BCAS3: variants seen among roughly 807,000 people sequenced by gnomAD.
BCAS3 encodes the protein BCAS4/BCAS3 fusion.
A neutral mutation model predicts 116.1 loss-of-function variants in BCAS3; 53 were observed. That is an observed-to-expected ratio of 0.46 (90% CI 0.37 to 0.57). The LOEUF (loss-of-function observed/expected upper bound fraction) is 0.57. Among genes scored for constraint, BCAS3 ranks in the 20% least tolerant of loss-of-function variants. The probability of loss-of-function intolerance (pLI) is 0.00; values close to 1 mark genes in which losing one functional copy is unlikely to be tolerated. For missense variants in BCAS3, 917 were observed against 1,165.4 expected (o/e 0.79, Z 3.10); for synonymous variants, 391 against 408.2 (o/e 0.96, Z 0.51).
chr17:61,183,148 GT>G (rs1462223290), intron 22 of BCAS3, among the ~76,000 whole-genome samples: 1 of 151,832 alleles, frequency 6.6e-6, no homozygotes, highest in Non-Finnish European at 1.5e-5. Flanking sequence ...AAATTTTTTT[GT>G]TTTTCCTGAA....
chr17:60,948,360 G>A (rs11079404), intron 14 of BCAS3, among the ~76,000 whole-genome samples: 33,524 of 151,892 alleles, frequency 0.22, 4,038 homozygotes, highest in African/African-American at 0.32. Context: ...TCCTGGCCTC[G>A]TGATCCACCC....
chr17:60,757,118 G>A (rs1230473747), intron 6 of BCAS3, among the ~76,000 whole-genome samples: 5 of 151,518 alleles, frequency 3.3e-5, no homozygotes, highest in South Asian at 4.2e-4. Context: ...AGCCGAGATC[G>A]CACCACTGCA....
rs1444559076 is a variant in BCAS3, at chr17:61,332,355, CCCCTCCCCT to C, written c.2426-35965_2426-35957del. On this transcript the variant is annotated intron_variant, in intron 22 of 23. Coordinates refer to ENST00000407086, the MANE Select transcript of BCAS3 (RefSeq NM_017679.5). This position sits in a 1 kb window ranked among gnomAD's most constrained non-coding sequence, Gnocchi z 5.4. ...GAACATCCTGCTCTGACTACAGCGT[CCCCTCCCCT>C]CCCTCCACCATCCGAGAGGTCAGCT... Among the ~76,000 whole-genome samples, 1 of 152,174 alleles carries C rather than the reference CCCCTCCCCT, an allele frequency of 6.6e-6. No individual in the cohort carries two copies. The highest frequency in any genetic ancestry group is 1.5e-5 in the Non-Finnish European group (1 of 68,028).
rs1233168182 is a variant in BCAS3, at chr17:61,362,929, T to A, written c.2426-5398T>A. 6.6e-6 allele frequency: 1 copy of A among 152,224 alleles called. No homozygotes were observed. Among genetic ancestry groups the A allele is most frequent in the Non-Finnish European group, 1.5e-5 (1 of 68,042 alleles). The allele number at this position is 152,224 out of a possible 1,614,324, so 9.4% of individuals were successfully genotyped here. ...TTTCTGCCTACTCTGACCCTAGATA[T>A]TCAGGCTCTGGTACCCCACCCAAAG... On this transcript the variant is annotated intron_variant, in intron 22 of 23. Transcript: ENST00000407086. The surrounding 1 kb of genome is among the most constrained non-coding windows in gnomAD (Gnocchi z 4.4).
At position 61,084,112 on chromosome 17, in the gene BCAS3, G is replaced by A. The variant is rs1165401531; in HGVS notation, c.2328-355G>A. ...TCAGGATTCTCAAAACTCTTCATGTGTGTCCCTTGGAAATCCCAAAGGTTT... is the reference window on the plus strand; with the variant it reads ...TCAGGATTCTCAAAACTCTTCATGTATGTCCCTTGGAAATCCCAAAGGTTT... On this transcript the variant is annotated intron_variant, in intron 21 of 23. Transcript: ENST00000407086. This position sits in a 1 kb window ranked among gnomAD's most constrained non-coding sequence, Gnocchi z 5.5. Among the ~76,000 whole-genome samples the A allele has an allele frequency of 6.6e-6, 1 of 152,150 alleles. No individual in the cohort carries two copies. Among genetic ancestry groups the A allele is most frequent in the Non-Finnish European group, 1.5e-5 (1 of 68,024 alleles).
rs754690134 is a variant in BCAS3, at chr17:60,990,118, C to T, written c.1369C>T (p.Arg457Cys). ...MSPRVVNRMSRFQKSAGLEEI... is the reference protein window; with the variant it reads ...MSPRVVNRMSCFQKSAGLEEI... ...ACCACGAGTAGTGAATCGCATGAGC[C>T]GTTTCCAGAAAAGTGCTGGACTGGA... Residue 457 changes from arginine to cysteine, a missense_variant, in exon 15 of 24, where the codon CGT becomes TGT. Physicochemically the swap from Arg to Cys is radical, Grantham distance 180. Coordinates refer to ENST00000407086, the MANE Select transcript of BCAS3 (RefSeq NM_017679.5). This position sits in a 1 kb window ranked among gnomAD's most constrained non-coding sequence, Gnocchi z 5.1. 5.0e-6 allele frequency: 8 copies of T among 1,614,140 alleles called. No homozygotes were observed. Among genetic ancestry groups the T allele is most frequent in the African/African-American group, 2.7e-5 (2 of 75,042 alleles).
chr17:60,897,624 T>G (rs1015529658), intron 10 of BCAS3, among the ~76,000 whole-genome samples: 1 of 152,186 alleles, frequency 6.6e-6, no homozygotes, highest in Admixed American at 6.5e-5. Flanking sequence ...TCTTTATTTT[T>G]ATCTGACTGG....
intron 5 of BCAS3, among the ~76,000 whole-genome samples, chr17:60,715,951 C>G (rs202051978): frequency 6.6e-6 from 1 of 151,244 alleles, no homozygotes; most frequent in African/African-American, 2.4e-5. Flanking sequence ...CAGCCTCTGC[C>G]TCCCAGTTTC....
At chr17:60,832,056 T>C (rs1284019464) in intron 7 of BCAS3, among the ~76,000 whole-genome samples, 1 of 152,054 alleles carries the variant, frequency 6.6e-6, no homozygotes, top group African/African-American at 2.4e-5. Context: ...GAAGCAGCAA[T>C]AGAGGAAAAA....
chr17:60,925,283 A>G (rs972481221), intron 13 of BCAS3, among the ~76,000 whole-genome samples: 10 of 152,250 alleles, frequency 6.6e-5, no homozygotes, highest in African/African-American at 2.2e-4. Context: ...AGTTAAGTCT[A>G]GAGGTATAAA....
In BCAS3 at chr17:61,316,280, T is replaced by C. The variant is rs1002311328; in HGVS notation, c.2426-52047T>C. Among the ~76,000 whole-genome samples, 3 of 152,150 alleles carry C rather than the reference T, an allele frequency of 2.0e-5. No individual in the cohort carries two copies. The highest frequency in any genetic ancestry group is 4.4e-5 in the Non-Finnish European group (3 of 68,026). On this transcript the variant is annotated intron_variant, in intron 22 of 23. Coordinates refer to ENST00000407086, the MANE Select transcript of BCAS3 (RefSeq NM_017679.5). This position sits in a 1 kb window ranked among gnomAD's most constrained non-coding sequence, Gnocchi z 5.8. ...GGGATCACGCCACTGCACTCCAGCC[T>C]GGGTGATAGAGTGAGACTCCATCTC...
At chr17:60,752,705 T>C (rs1337508106) in intron 6 of BCAS3, among the ~76,000 whole-genome samples, 2 of 148,918 alleles carry the variant, frequency 1.3e-5, no homozygotes, top group African/African-American at 4.9e-5. Flanking sequence ...TGATGCATGC[T>C]GTAAAATTTC....
chr17:61,135,170 TA>T, intron 22 of BCAS3, among the ~76,000 whole-genome samples: 1 of 152,310 alleles, frequency 6.6e-6, no homozygotes, highest in African/African-American at 2.4e-5. Flanking sequence ...AACAGATGAT[TA>T]TAAATGGTAC....
chr17:60,787,656 G>C (rs1163622099), intron 6 of BCAS3, among the ~76,000 whole-genome samples: 1 of 152,118 alleles, frequency 6.6e-6, no homozygotes, highest in Admixed American at 6.6e-5. Flanking sequence ...TAGAGTAGGA[G>C]GGAGGATGGT....
rs772135327 is a variant in BCAS3, at chr17:61,026,860, A to G, written c.1638-7806A>G. ...TTTTGTGCATTTTTCCCCCTTTTCC[A>G]TGAAGGCCTTATCTCTTTGGAGCGG... On this transcript the variant is annotated intron_variant, in intron 16 of 23. Transcript: ENST00000407086. This position sits in a 1 kb window ranked among gnomAD's most constrained non-coding sequence, Gnocchi z 5.0. 6.3e-7 allele frequency: 1 copy of G among 1,595,352 alleles called. No homozygotes were observed. Among genetic ancestry groups the G allele is most frequent in the South Asian group, 1.1e-5 (1 of 87,634 alleles).
chr17:61,249,023 C>T lies in BCAS3; in HGVS notation c.2426-119304C>T, dbSNP rs191891408. The stretch of plus-strand genomic sequence containing the variant: ...AAACTTGGCTGGGCTTGGTGGCTCA[C>T]GCCTGTAATCCCAGAACTTTGGGAG... On this transcript the variant is annotated intron_variant, in intron 22 of 23. Transcript: ENST00000407086. The surrounding 1 kb of genome is among the most constrained non-coding windows in gnomAD (Gnocchi z 6.2). 3.5e-4 allele frequency among the ~76,000 whole-genome samples: 53 copies of T among 152,274 alleles called. No individual in the cohort carries two copies. The highest frequency in any genetic ancestry group is 7.9e-4 in the African/African-American group (33 of 41,552).
intron 22 of BCAS3, among the ~76,000 whole-genome samples, chr17:61,331,470 C>T (rs923475296): frequency 6.6e-6 from 1 of 151,972 alleles, no homozygotes; most frequent in Non-Finnish European, 1.5e-5. Context: ...AGGTTCAAGC[C>T]CAGAACTAGT....
intron 14 of BCAS3, among the ~76,000 whole-genome samples, chr17:60,959,500 C>T (rs1270767002): frequency 6.6e-6 from 1 of 152,104 alleles, no homozygotes; most frequent in Non-Finnish European, 1.5e-5. Flanking sequence ...ACTAACTCCC[C>T]ACAGTCAGTG....
chr17:61,325,806 G>T lies in BCAS3; in HGVS notation c.2426-42521G>T, dbSNP rs1359202541. Among the ~76,000 whole-genome samples the T allele has an allele frequency of 1.3e-5, 2 of 152,124 alleles. No homozygotes were observed. Among genetic ancestry groups the T allele is most frequent in the Admixed American group, 1.3e-4 (2 of 15,278 alleles). On this transcript the variant is annotated intron_variant, in intron 22 of 23. Coordinates refer to ENST00000407086, the MANE Select transcript of BCAS3 (RefSeq NM_017679.5). This position sits in a 1 kb window ranked among gnomAD's most constrained non-coding sequence, Gnocchi z 6.4. Reference sequence around the variant, plus strand: ...GAGTGTCTCCATTTTTCCTGGTCTTGGTGGCAAGATAAACAGGATAGGGTG... The same window carrying T: ...GAGTGTCTCCATTTTTCCTGGTCTTTGTGGCAAGATAAACAGGATAGGGTG...
Sources: allele counts gnomAD v4.1 joint callset (sites outside exome capture counted in the v4.1 genomes callset), GRCh38; gene constraint gnomAD v4.1.1; non-coding constraint Gnocchi (gnomAD v3.1); transcripts MANE v1.5; gene names NCBI Gene and HGNC (gene_info 2026-07-23, HGNC 2026-07-21).